Variants in FGF14 observed in about 807,000 individuals in gnomAD.
FGF14 encodes fibroblast growth factor homologous factor 4.
Under a neutral mutation model 25.5 loss-of-function variants are expected in FGF14, and 5 were observed. The observed-to-expected ratio is 0.20, with a 90% CI of 0.10 to 0.41. The LOEUF (loss-of-function observed/expected upper bound fraction) is 0.41. Ranked by LOEUF, FGF14 falls within the 10% of genes least tolerant of loss-of-function variation. The pLI, the probability that FGF14 is intolerant of heterozygous loss-of-function variation, is 1.00. For missense variants in FGF14, 222 were observed against 320.1 expected, an observed-to-expected ratio of 0.69 and a Z score of 2.34; for synonymous variants, 138 against 118.3, an observed-to-expected ratio of 1.17 and a Z score of -1.08.
At chr13:101,994,142 T>G (rs926069068) in intron 1 of FGF14, among the ~76,000 whole-genome samples, 12 of 152,002 alleles carry the variant, frequency 7.9e-5, no homozygotes, top group Non-Finnish European at 1.3e-4. Flanking sequence ...ATTTAGCCAG[T>G]GTGTATGTAC....
chr13:101,874,329 G>GA (rs1382440827), intron 2 of FGF14, among the ~76,000 whole-genome samples: 1 of 152,016 alleles, frequency 6.6e-6, no homozygotes, highest in African/African-American at 2.4e-5. Context: ...ATACATTAAT[G>GA]AAAAAATTCA....
chr13:101,930,575 GT>G (rs1160930939), intron 1 of FGF14, among the ~76,000 whole-genome samples: 1 of 152,144 alleles, frequency 6.6e-6, no homozygotes, highest in Non-Finnish European at 1.5e-5. Context: ...CAGTTGCAAA[GT>G]TTTTTCCATC....
rs2034761851 is a variant in FGF14, at chr13:101,717,288, A to G, written c.*5543T>C. The G allele has an allele frequency of 6.6e-6, 1 of 152,184 alleles. No individual in the cohort carries two copies. Among genetic ancestry groups the G allele is most frequent in the South Asian group, 2.1e-4 (1 of 4,830 alleles). 9.4% of individuals were successfully genotyped at this position (152,184 alleles called of 1,614,324 possible). On this transcript the variant is annotated 3_prime_UTR_variant, in exon 5 of 5. Transcript: ENST00000376143. ...TTTATAGTACTAACAATGTTCTCAT[A>G]ATGTAATAGATTTATAAAAATTGTT...
chr13:102,370,036 A>G (rs1420578116), intron 1 of FGF14, among the ~76,000 whole-genome samples: 2 of 152,126 alleles, frequency 1.3e-5, no homozygotes, highest in African/African-American at 4.8e-5. Context: ...TTGTTGCCTA[A>G]GCTGGAGTGC....
chr13:102,163,573 A>C (rs2047871928), intron 1 of FGF14, among the ~76,000 whole-genome samples: 1 of 152,136 alleles, frequency 6.6e-6, no homozygotes, highest in African/African-American at 2.4e-5. Flanking sequence ...ACCAACTAGG[A>C]TTGAAATCTC....
intron 1 of FGF14, among the ~76,000 whole-genome samples, chr13:102,277,778 A>G: frequency 6.6e-6 from 1 of 152,314 alleles, no homozygotes; most frequent in South Asian, 2.1e-4. Flanking sequence ...GTTGACATCC[A>G]TTACAGTGAA....
chr13:101,925,549 T>C (rs2034306222), intron 1 of FGF14, among the ~76,000 whole-genome samples: 1 of 152,364 alleles, frequency 6.6e-6, no homozygotes, highest in African/African-American at 2.4e-5. Flanking sequence ...TCTGATCTTG[T>C]AATCTACTTC....
intron 3 of FGF14, among the ~76,000 whole-genome samples, chr13:101,829,271 G>C (rs995632914): frequency 7.2e-5 from 11 of 152,258 alleles, no homozygotes; most frequent in African/African-American, 1.7e-4. Flanking sequence ...AGATGTCAAA[G>C]AGCAGGGTAA....
chr13:101,870,285 T>C (rs2044979757), intron 2 of FGF14, among the ~76,000 whole-genome samples: 1 of 152,140 alleles, frequency 6.6e-6, no homozygotes, highest in African/African-American at 2.4e-5. Context: ...ATATTCACTC[T>C]TGTTTAGAAC....
In FGF14 at chr13:101,986,065, C is replaced by T. The variant is rs554728321; in HGVS notation, c.209-110769G>A. Among the ~76,000 whole-genome samples, 20 of 152,218 alleles carry T rather than the reference C, an allele frequency of 1.3e-4. No homozygotes were observed. In the East Asian group the frequency reaches 3.9e-3, roughly 29 times the overall value. ...TTAATTTTGCCTGGAGAAGAAAACACTGTAAGTTCAATTTGATACTTAAGG... is the reference window on the plus strand; with the variant it reads ...TTAATTTTGCCTGGAGAAGAAAACATTGTAAGTTCAATTTGATACTTAAGG... On this transcript the variant is annotated intron_variant, in intron 1 of 4. Transcript: ENST00000376131.
chr13:101,943,812 T>TACA lies in FGF14; in HGVS notation c.209-68517_209-68516insTGT, dbSNP rs796285466. Reference sequence around the variant, plus strand: ...AACATGGAGAATCCCTGTCTCTACTTAAAAAAAAAAAAAAATATATATATA... The same window carrying TACA: ...AACATGGAGAATCCCTGTCTCTACTTACAAAAAAAAAAAAAAAATATATATATA... On this transcript the variant is annotated intron_variant, in intron 1 of 4. Coordinates refer to the FGF14 transcript ENST00000376131. Among the ~76,000 whole-genome samples the TACA allele has an allele frequency of 2.4e-3, 317 of 134,206 alleles. 4 individuals carry two copies. Among genetic ancestry groups the TACA allele is most frequent in the African/African-American group, 9.2e-3 (301 of 32,592 alleles). The allele number at this position is 134,206 out of a possible 152,430, so 88.0% of individuals were successfully genotyped here.
At chr13:101,831,523 T>C (rs1311028283) in intron 3 of FGF14, among the ~76,000 whole-genome samples, 1 of 152,094 alleles carries the variant, frequency 6.6e-6, no homozygotes, top group African/African-American at 2.4e-5. Flanking sequence ...CACTGCAACA[T>C]ACATTCAGGA....
intron 3 of FGF14, among the ~76,000 whole-genome samples, chr13:101,729,536 A>C (rs2035667827): frequency 6.6e-6 from 1 of 152,150 alleles, no homozygotes; most frequent in African/African-American, 2.4e-5. Context: ...TGGGGAAATT[A>C]CTCAATCTCT....
chr13:101,996,737 C>T (rs2039207766), intron 1 of FGF14, among the ~76,000 whole-genome samples: 1 of 152,124 alleles, frequency 6.6e-6, no homozygotes, highest in Non-Finnish European at 1.5e-5. Context: ...CCTGATACTT[C>T]AAGTGATCTC....
At chr13:101,858,572 C>T (rs1468585826) in intron 3 of FGF14, among the ~76,000 whole-genome samples, 1 of 151,994 alleles carries the variant, frequency 6.6e-6, no homozygotes, top group African/African-American at 2.4e-5. Context: ...AAATTATTTT[C>T]ACCATCTACC....
At chr13:102,174,472 AT>A (rs1030887812) in intron 1 of FGF14, among the ~76,000 whole-genome samples, 1 of 151,840 alleles carries the variant, frequency 6.6e-6, no homozygotes, top group Non-Finnish European at 1.5e-5. Flanking sequence ...AGCCAGTTAC[AT>A]TTCTATATAT....
intron 1 of FGF14, among the ~76,000 whole-genome samples, chr13:102,198,124 A>G (rs376583047): frequency 2.6e-5 from 4 of 152,082 alleles, no homozygotes; most frequent in African/African-American, 9.7e-5. Context: ...CCCCCTTGCA[A>G]TGTGCTGTTT....
At chr13:102,358,564 T>A (rs1342290389) in intron 1 of FGF14, among the ~76,000 whole-genome samples, 1 of 152,218 alleles carries the variant, frequency 6.6e-6, no homozygotes, top group Non-Finnish European at 1.5e-5. Context: ...ACAAGTAGTA[T>A]CGTGTACATC....
chr13:102,110,254 T>C (rs1259295076), intron 1 of FGF14, among the ~76,000 whole-genome samples: 1 of 152,212 alleles, frequency 6.6e-6, no homozygotes, highest in African/African-American at 2.4e-5. Context: ...CAGTGTTTTT[T>C]TCCCCAAAGC....
Sources: gnomAD v4.1 joint callset for allele counts (sites outside exome capture counted in the v4.1 genomes callset) on GRCh38, gnomAD v4.1.1 for gene constraint, MANE v1.5 for transcripts, NCBI Gene and HGNC (gene_info 2026-07-23, HGNC 2026-07-21) for gene names.